Variants in CHCHD3 observed in about 807,000 individuals in gnomAD.
The protein encoded by CHCHD3 is MICOS complex subunit MIC19.
Under a neutral mutation model 38.2 loss-of-function variants are expected in CHCHD3, and 20 were observed. The observed-to-expected ratio is 0.52, with a 90% CI of 0.37 to 0.76. The LOEUF (loss-of-function observed/expected upper bound fraction) is 0.76, where lower values mean the gene tolerates loss of function less well. Ranked by LOEUF, CHCHD3 falls within the 30% of genes least tolerant of loss-of-function variation. The pLI is 0.00. For synonymous variants in CHCHD3, 82 were observed against 100.0 expected (o/e 0.82, Z 1.07); for missense variants, 245 against 279.2 (o/e 0.88, Z 0.87).
intron 2 of CHCHD3, among the ~76,000 whole-genome samples, chr7:133,061,467 CAA>C (rs374637066): frequency 1.0e-4 from 12 of 114,552 alleles, no homozygotes; most frequent in Admixed American, 1.8e-4. Flanking sequence ...TGTGGACAAG[CAA>C]AAAAAAAAAA....
At chr7:132,898,774 C>T (rs1023214325) in intron 4 of CHCHD3, among the ~76,000 whole-genome samples, 77 of 152,352 alleles carry the variant, frequency 5.1e-4, no homozygotes, top group African/African-American at 1.8e-3. Context: ...TAAGGCCCGG[C>T]GAGAAATCGA....
chr7:133,018,183 A>C (rs1813080778), intron 3 of CHCHD3, among the ~76,000 whole-genome samples: 1 of 152,220 alleles, frequency 6.6e-6, no homozygotes, highest in South Asian at 2.1e-4. Context: ...TAAATGTTGG[A>C]GTATATAAAG....
intron 2 of CHCHD3, among the ~76,000 whole-genome samples, chr7:133,029,106 T>C (rs905700317): frequency 1.3e-5 from 2 of 152,174 alleles, no homozygotes; most frequent in African/African-American, 4.8e-5. Context: ...GTTTTACGTA[T>C]TCTGTTATAA....
intron 6 of CHCHD3, among the ~76,000 whole-genome samples, chr7:132,825,042 C>A (rs1268409602): frequency 6.6e-6 from 1 of 152,120 alleles, no homozygotes; most frequent in Admixed American, 6.5e-5. Flanking sequence ...AGTAATAATT[C>A]CTGCATCAAG....
Position 132,824,162 on chromosome 7 carries a change from G to A in CHCHD3, c.524+14237C>T, listed in dbSNP as rs561871751. 5.3e-5 allele frequency among the ~76,000 whole-genome samples: 8 copies of A among 152,080 alleles called. No homozygotes were observed. The South Asian group carries it at 1.7e-3, about 32-fold the overall frequency. Reference sequence around the variant, plus strand: ...AAACTCTAATTATCATATAATAAACGTATACAACATCTATGCACCCAATAT... The same window carrying A: ...AAACTCTAATTATCATATAATAAACATATACAACATCTATGCACCCAATAT... On this transcript the variant is annotated intron_variant, in intron 6 of 7. Coordinates refer to ENST00000262570, the MANE Select transcript of CHCHD3 (RefSeq NM_017812.4).
At chr7:132,941,030 C>T (rs1032156453) in intron 4 of CHCHD3, among the ~76,000 whole-genome samples, 1 of 152,096 alleles carries the variant, frequency 6.6e-6, no homozygotes, top group Admixed American at 6.6e-5. Flanking sequence ...AAAACTGATG[C>T]TTTCCGATCT....
chr7:133,017,842 T>C (rs1813070705), intron 3 of CHCHD3, among the ~76,000 whole-genome samples: 1 of 152,192 alleles, frequency 6.6e-6, no homozygotes. Context: ...TCTATCACTG[T>C]TGGTTATAAA....
At chr7:132,978,480 G>C (rs556489558) in intron 3 of CHCHD3, among the ~76,000 whole-genome samples, 1 of 152,202 alleles carries the variant, frequency 6.6e-6, no homozygotes, top group South Asian at 2.1e-4. Context: ...TTATAAAAGT[G>C]CCTGCCACAT....
intron 4 of CHCHD3, among the ~76,000 whole-genome samples, chr7:132,967,464 G>C (rs1811495148): frequency 6.6e-6 from 1 of 151,942 alleles, no homozygotes; most frequent in Non-Finnish European, 1.5e-5. Flanking sequence ...ATAATATTGA[G>C]CTTCTCAGAG....
chr7:132,832,101 G>A (rs1260359256), intron 6 of CHCHD3, among the ~76,000 whole-genome samples: 1 of 151,932 alleles, frequency 6.6e-6, no homozygotes, highest in Admixed American at 6.6e-5. Context: ...AAAGTCAAAG[G>A]GTTTTACATT....
intron 2 of CHCHD3, among the ~76,000 whole-genome samples, chr7:133,057,914 A>C (rs1472849856): frequency 6.6e-6 from 1 of 152,208 alleles, no homozygotes; most frequent in African/African-American, 2.4e-5. Context: ...ATAACTTCCC[A>C]TAATCTTATA....
chr7:132,961,002 G>A (rs1041553688), intron 4 of CHCHD3, among the ~76,000 whole-genome samples: 1 of 152,050 alleles, frequency 6.6e-6, no homozygotes, highest in Non-Finnish European at 1.5e-5. Context: ...AGGGGCTCAG[G>A]ATGCAGCATC....
intron 5 of CHCHD3, among the ~76,000 whole-genome samples, chr7:132,881,085 A>G (rs572528414): frequency 1.3e-5 from 2 of 152,318 alleles, no homozygotes; most frequent in East Asian, 3.9e-4. Context: ...TAAGGACTTA[A>G]AAAATCTTTT....
chr7:132,834,437 C>G (rs1807725757), intron 6 of CHCHD3, among the ~76,000 whole-genome samples: 1 of 152,134 alleles, frequency 6.6e-6, no homozygotes, highest in African/African-American at 2.4e-5. Context: ...GTGTTAAAAC[C>G]TAGGTTTTGT....
At chr7:132,825,117 C>T (rs1311051089) in intron 6 of CHCHD3, among the ~76,000 whole-genome samples, 1 of 152,114 alleles carries the variant, frequency 6.6e-6, no homozygotes, top group Non-Finnish European at 1.5e-5. Flanking sequence ...GGCAGGGACT[C>T]AAACTGATAT....
intron 4 of CHCHD3, among the ~76,000 whole-genome samples, chr7:132,970,710 T>C (rs1271453567): frequency 6.6e-6 from 1 of 152,160 alleles, no homozygotes; most frequent in Non-Finnish European, 1.5e-5. Flanking sequence ...TGGAAGAATT[T>C]TGAAGTAAAT....
At position 132,797,192 on chromosome 7, in the gene CHCHD3, C is replaced by G. The variant is rs185852478; in HGVS notation, c.525-615G>C. ...CTGCCTACTCTGTGGCCTTCACCCCCCAACCCTGCACACAGCTGAAGCCTG... is the reference window on the plus strand; with the variant it reads ...CTGCCTACTCTGTGGCCTTCACCCCGCAACCCTGCACACAGCTGAAGCCTG... On this transcript the variant is annotated intron_variant, in intron 6 of 7. Coordinates refer to ENST00000262570, the MANE Select transcript of CHCHD3 (RefSeq NM_017812.4). 1.5e-3 allele frequency among the ~76,000 whole-genome samples: 236 copies of G among 152,306 alleles called. 4 individuals are homozygous for G. Among genetic ancestry groups the G allele is most frequent in the Admixed American group, 0.014 (217 of 15,294 alleles).
At chr7:132,848,227 C>T (rs117004246) in intron 5 of CHCHD3, among the ~76,000 whole-genome samples, 2,612 of 152,256 alleles carry the variant, frequency 0.017, 34 homozygotes, top group Non-Finnish European at 0.027. Context: ...ACAAAGAGGT[C>T]CAGGGTGCCA....
chr7:132,793,417 A>G (rs1331894515), intron 7 of CHCHD3, among the ~76,000 whole-genome samples: 2 of 152,248 alleles, frequency 1.3e-5, no homozygotes, highest in Non-Finnish European at 2.9e-5. Context: ...TTTAAGTCTT[A>G]GAAATAATAA....
Sources: gnomAD v4.1 joint callset for allele counts (sites outside exome capture counted in the v4.1 genomes callset) on GRCh38, gnomAD v4.1.1 for gene constraint, MANE v1.5 for transcripts, NCBI Gene and HGNC (gene_info 2026-07-23, HGNC 2026-07-21) for gene names.